NCR3LG1: variants seen among roughly 807,000 people sequenced by gnomAD.
NCR3LG1 encodes natural killer cell cytotoxicity receptor 3 ligand 1.
A neutral mutation model predicts 34.8 loss-of-function variants in NCR3LG1; 35 were observed. That is an observed-to-expected ratio of 1.01 (90% CI 0.77 to 1.33). The LOEUF (loss-of-function observed/expected upper bound fraction) is 1.33, where lower values mean the gene tolerates loss of function less well. NCR3LG1 is among the 40% of genes most tolerant of loss of function. The pLI is 0.00. For synonymous variants in NCR3LG1, 173 were observed against 163.6 expected, an observed-to-expected ratio of 1.06 and a Z score of -0.44; for missense variants, 452 against 423.3, an observed-to-expected ratio of 1.07 and a Z score of -0.60.
At position 17,362,899 on chromosome 11, in the gene NCR3LG1, T is replaced by TC. The variant is rs1564856636; in HGVS notation, c.422-4107dup. Among the ~76,000 whole-genome samples, 210 of 73,644 alleles carry TC rather than the reference T, an allele frequency of 2.9e-3. 6 individuals carry two copies. Among genetic ancestry groups the TC allele is most frequent in the African/African-American group, 0.01 (173 of 16,584 alleles). The allele number at this position is 73,644 out of a possible 152,430, so 48.3% of individuals were successfully genotyped here. A position where few individuals can be genotyped will look rare whatever the true frequency, so the allele number is the denominator to read the frequency against. On this transcript the variant is annotated intron_variant, in intron 2 of 4. Coordinates refer to ENST00000338965, the MANE Select transcript of NCR3LG1 (RefSeq NM_001202439.3). ...TCCCCTCCGCTCCCCTCCCCTCCCC[T>TC]CCCTTCCCTTCCCTTCCCTTCCCTT...
intron 1 of NCR3LG1, among the ~76,000 whole-genome samples, chr11:17,355,901 G>A (rs926635889): frequency 1.3e-5 from 2 of 152,072 alleles, no homozygotes; most frequent in Non-Finnish European, 2.9e-5. Context: ...GGGCACAAGG[G>A]ATCCTCTCAC....
chr11:17,372,540 G>A lies in NCR3LG1; in HGVS notation c.*28G>A. On this transcript the variant is annotated 3_prime_UTR_variant, in exon 5 of 5. Transcript: ENST00000338965. Reference sequence around the variant, plus strand: ...GCCTGATGGACCTGGTGCCACTAGGGTCCAAGTTCCCTTTTCATTACAGGA... The same window carrying A: ...GCCTGATGGACCTGGTGCCACTAGGATCCAAGTTCCCTTTTCATTACAGGA... 3.0e-6 allele frequency: 2 copies of A among 656,300 alleles called. No individual in the cohort carries two copies. The highest frequency in any genetic ancestry group is 2.7e-5 in the East Asian group (1 of 36,920). 40.7% of individuals were successfully genotyped at this position (656,300 alleles called of 1,614,324 possible). A position where few individuals can be genotyped will look rare whatever the true frequency, so the allele number is the denominator to read the frequency against.
downstream of NCR3LG1, among the ~76,000 whole-genome samples, chr11:17,380,281 C>T (rs907946174): frequency 5.9e-5 from 9 of 152,136 alleles, no homozygotes; most frequent in Non-Finnish European, 1.2e-4. Flanking sequence ...TTTCCTCCCA[C>T]ATCGCAAAAA....
At chr11:17,366,690 G>C (rs1953347468) in intron 2 of NCR3LG1, among the ~76,000 whole-genome samples, 1 of 152,170 alleles carries the variant, frequency 6.6e-6, no homozygotes, top group African/African-American at 2.4e-5. Flanking sequence ...AACATACCCA[G>C]AATATTTAGC....
chr11:17,359,071 G>A (rs1281034920), intron 2 of NCR3LG1, among the ~76,000 whole-genome samples: 1 of 151,952 alleles, frequency 6.6e-6, no homozygotes, highest in Non-Finnish European at 1.5e-5. Context: ...CCTGGTTCTA[G>A]TCCTAGAACC....
rs752073348 is a variant in NCR3LG1 at position 17,372,201 on chromosome 11, G to A, written c.1054G>A (p.Asp352Asn). ...SVNINTIQQL[D>N]VFCRQEGKWS... ...TAATATTAATACTATTCAACAACTA[G>A]ATGTTTTCTGCAGACAGGAGGGCAA... Residue 352 changes from aspartate to asparagine, a missense_variant, in exon 5 of 5, where the codon GAT becomes AAT. By Grantham distance (23) the Asp-to-Asn change is conservative. Coordinates refer to ENST00000338965, the MANE Select transcript of NCR3LG1 (RefSeq NM_001202439.3). 29 of 703,006 alleles carry A rather than the reference G, an allele frequency of 4.1e-5. 1 individual carries two copies. The South Asian group carries it at 4.3e-4, about 10-fold the overall frequency. The allele number at this position is 703,006 out of a possible 1,614,324, so 43.5% of individuals were successfully genotyped here.
intron 1 of NCR3LG1, among the ~76,000 whole-genome samples, chr11:17,354,211 C>CT (rs1953177500): frequency 6.6e-6 from 1 of 152,240 alleles, no homozygotes; most frequent in Non-Finnish European, 1.5e-5. Context: ...GGTTATACCA[C>CT]TAGTTGATTT....
downstream of NCR3LG1, among the ~76,000 whole-genome samples, chr11:17,377,574 C>G (rs1251988812): frequency 6.6e-6 from 1 of 152,220 alleles, no homozygotes; most frequent in Non-Finnish European, 1.5e-5. Context: ...TCGTGAGTGA[C>G]TATCCTGAGT....
intron 4 of NCR3LG1, among the ~76,000 whole-genome samples, chr11:17,371,020 G>T (rs993639462): frequency 6.6e-6 from 1 of 152,196 alleles, no homozygotes; most frequent in Admixed American, 6.5e-5. Flanking sequence ...TTGTCCCCCA[G>T]TGATAGACAT....
rs747171855 is a variant in NCR3LG1, at chr11:17,375,293, C to T, written c.*2781C>T. On this transcript the variant is annotated 3_prime_UTR_variant, in exon 5 of 5. Coordinates refer to ENST00000338965, the MANE Select transcript of NCR3LG1 (RefSeq NM_001202439.3). ...ACATAATTGTGAACAGACTGTAGTA[C>T]AACCTATGCCGCTAGGGAGGATCTC... The T allele has an allele frequency of 6.6e-6, 1 of 152,186 alleles. No individual in the cohort carries two copies. The highest frequency in any genetic ancestry group is 1.5e-5 in the Non-Finnish European group (1 of 68,036). 9.4% of individuals were successfully genotyped at this position (152,186 alleles called of 1,614,324 possible). A position where few individuals can be genotyped will look rare whatever the true frequency, so the allele number is the denominator to read the frequency against.
chr11:17,361,486 A>G (rs568965491), intron 2 of NCR3LG1, among the ~76,000 whole-genome samples: 1 of 151,914 alleles, frequency 6.6e-6, no homozygotes, highest in African/African-American at 2.4e-5. Context: ...CGGGTCACCA[A>G]GTTGGCCAGG....
At chr11:17,352,947 C>G (rs1386934980) in intron 1 of NCR3LG1, among the ~76,000 whole-genome samples, 1 of 152,216 alleles carries the variant, frequency 6.6e-6, no homozygotes, top group African/African-American at 2.4e-5. Context: ...TTGACCCTTA[C>G]TAGGCTGGCC....
intron 2 of NCR3LG1, among the ~76,000 whole-genome samples, chr11:17,363,137 C>T (rs1160810013): frequency 6.7e-5 from 10 of 149,836 alleles, no homozygotes; most frequent in African/African-American, 9.8e-5. Context: ...TGCCCAGACT[C>T]GTCTTGAACT....
chr11:17,356,136 C>CTTTTTTTT (rs71457872), intron 1 of NCR3LG1, among the ~76,000 whole-genome samples: 11 of 104,546 alleles, frequency 1.1e-4, no homozygotes, highest in Non-Finnish European at 1.4e-4. Context: ...TTCTTTCTTT[C>CTTTTTTTT]TTTTTTTTTT....
intron 4 of NCR3LG1, among the ~76,000 whole-genome samples, chr11:17,370,682 A>G (rs1474015306): frequency 6.6e-6 from 1 of 152,178 alleles, no homozygotes; most frequent in East Asian, 1.9e-4. Flanking sequence ...GGGCAACTGA[A>G]GGTTTCTGTT....
chr11:17,372,331 G>A lies in NCR3LG1; in HGVS notation c.1184G>A (p.Gly395Asp). ...IDPALLTVTS[G>D]KSIDDNSTKS... ...CCTGCTCTCCTAACAGTTACATCAG[G>A]CAAGTCCATAGATGATAATTCCACA... Residue 395 changes from glycine (G) to aspartate (D), a missense_variant, in exon 5 of 5, where the codon GGC (glycine) becomes GAC (aspartate). Transcript: ENST00000338965. The A allele has an allele frequency of 1.4e-6, 1 of 703,052 alleles. No homozygotes were observed. 43.6% of individuals were successfully genotyped at this position (703,052 alleles called of 1,614,324 possible).
chr11:17,360,745 C>T lies in NCR3LG1; in HGVS notation c.421+3744C>T, dbSNP rs569004108. ...TGGGTCCATTTCTGGGCTTTCTATT[C>T]AGTTTCTTTTCTTTTTCTTTTTTTC... On this transcript the variant is annotated intron_variant, in intron 2 of 4. Coordinates refer to ENST00000338965, the MANE Select transcript of NCR3LG1 (RefSeq NM_001202439.3). Among the ~76,000 whole-genome samples, 5 of 152,006 alleles carry T rather than the reference C, an allele frequency of 3.3e-5. No homozygotes were observed. The South Asian group carries it at 1.0e-3, about 32-fold the overall frequency.
chr11:17,378,214 CT>C (rs1167553196), downstream of NCR3LG1, among the ~76,000 whole-genome samples: 1 of 152,066 alleles, frequency 6.6e-6, no homozygotes. Flanking sequence ...TACCTGTGCA[CT>C]TTTAAAAAGA....
rs947406107 is a variant in NCR3LG1, at chr11:17,374,051, G to A, written c.*1539G>A. ...CAGCATTGATAACCTAAAGGCACAA[G>A]GCCTCCTTAGGCCTTGCAGTAGCCC... On this transcript the variant is annotated 3_prime_UTR_variant, in exon 5 of 5. Transcript: ENST00000338965. 1.3e-5 allele frequency: 2 copies of A among 152,138 alleles called. No individual in the cohort carries two copies. The highest frequency in any genetic ancestry group is 2.1e-4 in the South Asian group (1 of 4,834). 9.4% of individuals were successfully genotyped at this position (152,138 alleles called of 1,614,324 possible).
Sources: gnomAD v4.1 joint callset for allele counts (sites outside exome capture counted in the v4.1 genomes callset) on GRCh38, gnomAD v4.1.1 for gene constraint, MANE v1.5 for transcripts, NCBI Gene and HGNC (gene_info 2026-07-23, HGNC 2026-07-21) for gene names.